The following DHX32 variants were observed in gnomAD, a reference collection of about 807,000 sequenced individuals.
DHX32 encodes DEAH-box helicase 32 (putative).
A neutral mutation model predicts 70.0 loss-of-function variants in DHX32; 51 were observed. That is an observed-to-expected ratio of 0.73 (90% CI 0.58 to 0.92). The LOEUF (loss-of-function observed/expected upper bound fraction) is 0.92. Ranked by LOEUF, DHX32 falls within the 40% of genes least tolerant of loss-of-function variation. DHX32 has a pLI of 0.00. For missense variants in DHX32, 762 were observed against 891.8 expected (o/e 0.85, Z 1.85); for synonymous variants, 310 against 315.3 (o/e 0.98, Z 0.18).
chr10:125,854,070 C>T lies in DHX32; in HGVS notation c.983G>A (p.Arg328Lys). Residue 328 changes from arginine (R) to lysine (K), a missense_variant, in exon 4 of 11, where the codon AGA becomes AAA. By Grantham distance (26) the Arg-to-Lys change is conservative. Coordinates refer to ENST00000284690, the MANE Select transcript of DHX32 (RefSeq NM_018180.3). ...LFKPLDETEK[R>K]CQVYQRRVVL... Reference sequence around the variant, plus strand: ...CACTCTTCTTTGATAAACTTGGCATCTTTTTTCTGTTTCATCGAGTGGCTT... The same window carrying T: ...CACTCTTCTTTGATAAACTTGGCATTTTTTTTCTGTTTCATCGAGTGGCTT... 1 of 1,614,102 alleles carries T rather than the reference C, an allele frequency of 6.2e-7. No individual in the cohort carries two copies. Among genetic ancestry groups the T allele is most frequent in the Non-Finnish European group, 8.5e-7 (1 of 1,180,004 alleles).
At chr10:125,868,312 TTAAAAA>T (rs1453898446) in intron 1 of DHX32, among the ~76,000 whole-genome samples, 78 of 152,374 alleles carry the variant, frequency 5.1e-4, no homozygotes, top group African/African-American at 1.8e-3. Context: ...TACATGCATT[TTAAAAA>T]TAAATTATTC....
chr10:125,839,044 G>A lies in DHX32; in HGVS notation c.1838C>T (p.Thr613Ile). 2 of 1,614,178 alleles carry A rather than the reference G, an allele frequency of 1.2e-6. No homozygotes were observed. The highest frequency in any genetic ancestry group is 1.7e-6 in the Non-Finnish European group (2 of 1,180,028). ...AEPAFGSKEN[T>I]LNIKKALLSG... ...CAGAAGAGCTTTCTTTATGTTTAGA[G>A]TGTTTTCCTTGGAGCCAAAAGCAGG... is the stretch of plus-strand genomic sequence containing the variant. The change falls in exon 9 of 11, where the codon ACT (threonine) becomes ATT (isoleucine). Residue 613 changes from threonine to isoleucine, a missense_variant. Transcript: ENST00000284690.
At chr10:125,857,892 A>C (rs28520566) in intron 3 of DHX32, among the ~76,000 whole-genome samples, 3 of 127,052 alleles carry the variant, frequency 2.4e-5, no homozygotes, top group East Asian at 2.2e-4. Context: ...TTTTTTTTTT[A>C]ATTTTTCATT....
intron 6 of DHX32, among the ~76,000 whole-genome samples, chr10:125,851,997 C>T (rs1259510007): frequency 1.3e-5 from 2 of 151,986 alleles, no homozygotes; most frequent in African/African-American, 2.4e-5. Context: ...GCTGATTCAC[C>T]CTTACGCTTC....
intron 8 of DHX32, 108 bp downstream of exon 8, chr10:125,840,739 T>G: frequency 1.6e-6 from 2 of 1,275,184 alleles, no homozygotes; most frequent in East Asian, 2.5e-5. Flanking sequence ...TGCATTCAAG[T>G]GGCCAGTAGG....
intron 3 of DHX32, among the ~76,000 whole-genome samples, chr10:125,856,192 A>G (rs1228520027): frequency 6.6e-6 from 1 of 152,202 alleles, no homozygotes; most frequent in Non-Finnish European, 1.5e-5. Flanking sequence ...TAACTTTCCT[A>G]TAACTACCTG....
At chr10:125,891,194 T>G (rs1263697204) in intron 1 of DHX32, among the ~76,000 whole-genome samples, 3 of 152,252 alleles carry the variant, frequency 2.0e-5, no homozygotes, top group Admixed American at 6.5e-5. Context: ...AAAATACTAA[T>G]CTGGCTTATT....
Position 125,866,866 on chromosome 10 carries a change from G to C in DHX32, c.476+124C>G, listed in dbSNP as rs554158642. On this transcript the variant is annotated intron_variant, in intron 2 of 10. Coordinates refer to ENST00000284690, the MANE Select transcript of DHX32 (RefSeq NM_018180.3). This position sits in a 1 kb window ranked among gnomAD's most constrained non-coding sequence, Gnocchi z 4.8. Reference sequence around the variant, plus strand: ...CTGTTGCTGGCTGGCTGATGACAGAGACCAGTTGCTACTGCACAGCATAGA... The same window carrying C: ...CTGTTGCTGGCTGGCTGATGACAGACACCAGTTGCTACTGCACAGCATAGA... The C allele has an allele frequency of 2.0e-6, 2 of 986,042 alleles. No homozygotes were observed. The highest frequency in any genetic ancestry group is 3.5e-5 in the South Asian group (2 of 57,690). 61.1% of individuals were successfully genotyped at this position (986,042 alleles called of 1,614,324 possible). A position where few individuals can be genotyped will look rare whatever the true frequency, so the allele number is the denominator to read the frequency against.
At chr10:125,841,166 A>T in intron 7 of DHX32, 170 bp from the exon 8 acceptor site, 2 of 1,389,176 alleles carry the variant, frequency 1.4e-6, no homozygotes, top group Non-Finnish European at 1.0e-6. Flanking sequence ...AGAGTGAGTC[A>T]TCCTAATTCT....
rs1944313722 is a variant in DHX32, at chr10:125,880,986, G to A, written c.-162C>T. ...TTAGCAAGTTAAATTCCTCAAACCTGCATCTGTTCTCCGTTGCTGTGTTAC... is the reference window on the plus strand; with the variant it reads ...TTAGCAAGTTAAATTCCTCAAACCTACATCTGTTCTCCGTTGCTGTGTTAC... On this transcript the variant is annotated 5_prime_UTR_variant, in exon 1 of 11. It introduces an in-frame stop codon into an upstream open reading frame of the 5' UTR. Transcript: ENST00000284690. The A allele has an allele frequency of 1.2e-6, 1 of 800,194 alleles. No homozygotes were observed. Among genetic ancestry groups the A allele is most frequent in the African/African-American group, 1.7e-5 (1 of 57,852 alleles). The allele number at this position is 800,194 out of a possible 1,614,324, so 49.6% of individuals were successfully genotyped here.
chr10:125,872,007 C>T (rs145703731), intron 1 of DHX32, among the ~76,000 whole-genome samples: 1 of 152,180 alleles, frequency 6.6e-6, no homozygotes, highest in East Asian at 1.9e-4. Context: ...GGATTACAGG[C>T]ACGCACCAGC....
In DHX32 at chr10:125,859,807, A is replaced by T. The variant is rs61757590; in HGVS notation, c.645T>A (p.Ile215=). The change falls in exon 3 of 11, where the codon ATT becomes ATA. Residue 215 remains isoleucine (I), a synonymous_variant. Coordinates refer to ENST00000284690, the MANE Select transcript of DHX32 (RefSeq NM_018180.3). ...LLARPELKLI[I]NSSPHLISKL... ...TGCTGATCAGGTGAGGTGAGGAGTT[A>T]ATTATGAGCTTCAGTTCTGGTCTTG... 7.5e-4 allele frequency: 1,209 copies of T among 1,614,058 alleles called. 6 individuals are homozygous for T. In the African/African-American group the frequency reaches 0.011, roughly 15 times the overall value.
chr10:125,877,252 C>T (rs1944289884), intron 1 of DHX32, among the ~76,000 whole-genome samples: 1 of 152,162 alleles, frequency 6.6e-6, no homozygotes, highest in Non-Finnish European at 1.5e-5. Context: ...GTTAGCTTCT[C>T]GTAATGAACT....
At chr10:125,859,041 GTTTGTTT>G (rs1944166779) in intron 3 of DHX32, among the ~76,000 whole-genome samples, 2 of 134,254 alleles carry the variant, frequency 1.5e-5, no homozygotes, top group African/African-American at 2.8e-5. Context: ...TTGTTTGTTT[GTTTGTTT>G]TTTTTTTTTT....
In DHX32 at chr10:125,854,090, T is replaced by G; in HGVS notation, c.963A>C (p.Pro321=). The G allele has an allele frequency of 6.2e-7, 1 of 1,614,064 alleles. No individual in the cohort carries two copies. The change falls in exon 4 of 11, where the codon CCA becomes CCC. Residue 321 remains proline (P), a synonymous_variant. Coordinates refer to ENST00000284690, the MANE Select transcript of DHX32 (RefSeq NM_018180.3). ...GGCATCTTTTTTCTGTTTCATCGAGTGGCTTGAACAATGAACATTTCTCTT... is the reference window on the plus strand; with the variant it reads ...GGCATCTTTTTTCTGTTTCATCGAGGGGCTTGAACAATGAACATTTCTCTT... ...YPKEKCSLFK[P]LDETEKRCQV...
intron 1 of DHX32, among the ~76,000 whole-genome samples, chr10:125,895,754 A>T (rs1447214036): frequency 6.6e-6 from 1 of 152,260 alleles, no homozygotes; most frequent in Non-Finnish European, 1.5e-5. Context: ...AAACGAAGCC[A>T]GCGAGAAAGA....
chr10:125,888,863 C>T (rs1944354350), intron 1 of DHX32, among the ~76,000 whole-genome samples: 2 of 152,308 alleles, frequency 1.3e-5, no homozygotes, highest in South Asian at 4.1e-4. Context: ...AGTTCAAGAT[C>T]TGCCTGGCCA....
intron 1 of DHX32, among the ~76,000 whole-genome samples, chr10:125,895,811 C>A (rs538841134): frequency 1.4e-5 from 2 of 147,056 alleles, no homozygotes; most frequent in Admixed American, 1.3e-4. Context: ...GATGACGGGG[C>A]AAAGCCGGGC....
chr10:125,842,903 A>G (rs1262893915), intron 6 of DHX32: 1 of 453,800 alleles, frequency 2.2e-6, no homozygotes, highest in East Asian at 1.6e-4. Flanking sequence ...TTAAAAATCC[A>G]TTTATTTAAA....
Sources: gnomAD v4.1 joint callset for allele counts (sites outside exome capture counted in the v4.1 genomes callset) on GRCh38, gnomAD v4.1.1 for gene constraint, Gnocchi (gnomAD v3.1) non-coding constraint, MANE v1.5 for transcripts, NCBI Gene and HGNC (gene_info 2026-07-23, HGNC 2026-07-21) for gene names.